Variants in EIF1B observed in about 807,000 individuals in gnomAD.
The protein encoded by EIF1B is eukaryotic translation initiation factor 1B.
Under a neutral mutation model 14.8 loss-of-function variants are expected in EIF1B, and 5 were observed. That is an observed-to-expected ratio of 0.34 (90% CI 0.18 to 0.71). EIF1B has a LOEUF of 0.71. Ranked by LOEUF, EIF1B falls within the 30% of genes least tolerant of loss-of-function variation. The probability of loss-of-function intolerance (pLI) is 0.64; values close to 1 mark genes in which losing one functional copy is unlikely to be tolerated. For missense variants in EIF1B, 56 were observed against 134.0 expected, an observed-to-expected ratio of 0.42 and a Z score of 2.87; for synonymous variants, 45 against 45.8, an observed-to-expected ratio of 0.98 and a Z score of 0.07.
At chr3:40,311,225 A>C in intron 2 of EIF1B, 169 bp downstream of exon 2, 1 of 671,872 alleles carries the variant, frequency 1.5e-6, no homozygotes, top group Non-Finnish European at 2.4e-6. Flanking sequence ...GTGGTCTCTC[A>C]TTTTAAAAGA....
rs541101708 is a variant in EIF1B, at chr3:40,309,714, C to A, written c.-228C>A. ...CCATCGGCCATTTTGTGCGAGAAGC[C>A]GCAGCGCCGCCTCTTCTCTCGCGCC... is the stretch of plus-strand genomic sequence containing the variant. On this transcript the variant is annotated 5_prime_UTR_variant, in exon 1 of 4. Coordinates refer to ENST00000232905, the MANE Select transcript of EIF1B (RefSeq NM_005875.3). 1.7e-6 allele frequency: 1 copy of A among 573,896 alleles called. No individual in the cohort carries two copies. The highest frequency in any genetic ancestry group is 3.1e-6 in the Non-Finnish European group (1 of 324,302). 35.6% of individuals were successfully genotyped at this position (573,896 alleles called of 1,614,324 possible). A position where few individuals can be genotyped will look rare whatever the true frequency, so the allele number is the denominator to read the frequency against.
intron 3 of EIF1B, 195 bp from the exon 4 acceptor site, chr3:40,311,775 C>T (rs1954329448): frequency 4.6e-6 from 3 of 647,910 alleles, no homozygotes; most frequent in South Asian, 3.8e-5. Flanking sequence ...TCTTTATATA[C>T]ACACACAGGC....
chr3:40,310,044 G>T (rs1433871565), intron 1 of EIF1B, 72 bp downstream of exon 1: 63 of 1,581,784 alleles, frequency 4.0e-5, no homozygotes, highest in Middle Eastern at 3.3e-4. Flanking sequence ...CCTGGCCACC[G>T]CCCCTAGGGG....
intron 2 of EIF1B, 175 bp downstream of exon 2, chr3:40,311,231 AAAG>A (rs765978250): frequency 5.7e-5 from 38 of 664,096 alleles, no homozygotes; most frequent in Middle Eastern, 4.3e-4. Flanking sequence ...TCTCATTTTA[AAAG>A]AAGATTCGCG....
chr3:40,310,504 G>C (rs1258661222), intron 1 of EIF1B: 2 of 188,276 alleles, frequency 1.1e-5, no homozygotes, highest in Non-Finnish European at 1.1e-5. Flanking sequence ...CACAGTTACG[G>C]TTAAATGATT....
chr3:40,311,261 T>G, intron 2 of EIF1B: 1 of 603,742 alleles, frequency 1.7e-6, no homozygotes. Context: ...TTAAATAAAT[T>G]TAAATGTGAA....
chr3:40,309,750 C>T lies in EIF1B; in HGVS notation c.-192C>T, dbSNP rs1422012988. On this transcript the variant is annotated 5_prime_UTR_variant, in exon 1 of 4. Coordinates refer to ENST00000232905, the MANE Select transcript of EIF1B (RefSeq NM_005875.3). ...CTCTTCTCTCGCGCCCTCGCCTCTT[C>T]CTCCGCCTCCTCCTTCGCCTCTTCC... The T allele has an allele frequency of 3.4e-5, 21 of 623,502 alleles. No homozygotes were observed. Among genetic ancestry groups the T allele is most frequent in the Non-Finnish European group, 5.6e-5 (20 of 359,180 alleles). The allele number at this position is 623,502 out of a possible 1,614,324, so 38.6% of individuals were successfully genotyped here. A position where few individuals can be genotyped will look rare whatever the true frequency, so the allele number is the denominator to read the frequency against.
chr3:40,309,937 A>AT lies in EIF1B; in HGVS notation c.-4dup. On this transcript the variant is annotated 5_prime_UTR_variant, in exon 1 of 4. Transcript: ENST00000232905. ...ATCCCCTCACCGGCCTCACACTAGT[A>AT]TCGCATGTCCACTATCCAGAACCTC... is the stretch of plus-strand genomic sequence containing the variant. 6.2e-7 allele frequency: 1 copy of AT among 1,614,024 alleles called. No individual in the cohort carries two copies. Among genetic ancestry groups the AT allele is most frequent in the Non-Finnish European group, 8.5e-7 (1 of 1,179,972 alleles).
chr3:40,310,122 C>A, intron 1 of EIF1B, 150 bp downstream of exon 1: 1 of 1,037,130 alleles, frequency 9.6e-7, no homozygotes, highest in Admixed American at 2.3e-5. Flanking sequence ...GGCGACGGGG[C>A]CCCTGGCGAC....
At chr3:40,310,861 T>A (rs199629126) in intron 1 of EIF1B, 32 bp from the exon 2 acceptor site, 1 of 1,522,680 alleles carries the variant, frequency 6.6e-7, no homozygotes, top group South Asian at 1.2e-5. Flanking sequence ...TTTTCTACTT[T>A]GGATTTTTTT....
intron 2 of EIF1B, 64 bp downstream of exon 2, chr3:40,311,120 C>T: frequency 1.4e-6 from 2 of 1,473,866 alleles, no homozygotes; most frequent in Non-Finnish European, 1.8e-6. Flanking sequence ...GATTATGATT[C>T]ACACCTTTAT....
At position 40,311,089 on chromosome 3, in the gene EIF1B, CT is replaced by C. The variant is rs780808042; in HGVS notation, c.195+34del. 1.9e-6 allele frequency: 3 copies of C among 1,599,702 alleles called. No homozygotes were observed. The East Asian group carries it at 6.7e-5, about 36-fold the overall frequency. On this transcript the variant is annotated intron_variant, in intron 2 of 3. Coordinates refer to ENST00000232905, the MANE Select transcript of EIF1B (RefSeq NM_005875.3). ...GATTAGGAAGAAAGGATTAGAGTTA[CT>C]GATGCACACCTCTGAACTGGATTAT...
In EIF1B at chr3:40,312,129, C is replaced by A; in HGVS notation, c.*115C>A. Reference sequence around the variant, plus strand: ...CGGACTTTTCATTTATTTAATCATTCAAACTTCCATTCACATCTGCATGAT... The same window carrying A: ...CGGACTTTTCATTTATTTAATCATTAAAACTTCCATTCACATCTGCATGAT... On this transcript the variant is annotated 3_prime_UTR_variant, in exon 4 of 4. Coordinates refer to ENST00000232905, the MANE Select transcript of EIF1B (RefSeq NM_005875.3). The A allele has an allele frequency of 1.3e-6, 1 of 774,328 alleles. No homozygotes were observed. Among genetic ancestry groups the A allele is most frequent in the South Asian group, 1.5e-5 (1 of 65,230 alleles). 48.0% of individuals were successfully genotyped at this position (774,328 alleles called of 1,614,324 possible). A position where few individuals can be genotyped will look rare whatever the true frequency, so the allele number is the denominator to read the frequency against.
Position 40,312,186 on chromosome 3 carries a change from C to T in EIF1B, c.*172C>T, listed in dbSNP as rs1954333497. On this transcript the variant is annotated 3_prime_UTR_variant, in exon 4 of 4. Coordinates refer to ENST00000232905, the MANE Select transcript of EIF1B (RefSeq NM_005875.3). ...AAACATGGGGTATGTAGACTAGTAA[C>T]ACATAAGAAAATTGCAGTAAGATGG... The T allele has an allele frequency of 1.7e-6, 1 of 577,282 alleles. No homozygotes were observed. Among genetic ancestry groups the T allele is most frequent in the East Asian group, 2.9e-5 (1 of 34,536 alleles). The allele number at this position is 577,282 out of a possible 1,614,324, so 35.8% of individuals were successfully genotyped here.
chr3:40,312,159 G>C lies in EIF1B; in HGVS notation c.*145G>C, dbSNP rs761540923. 2 of 652,090 alleles carry C rather than the reference G, an allele frequency of 3.1e-6. No individual in the cohort carries two copies. The highest frequency in any genetic ancestry group is 5.4e-6 in the Non-Finnish European group (2 of 367,410). The allele number at this position is 652,090 out of a possible 1,614,324, so 40.4% of individuals were successfully genotyped here. On this transcript the variant is annotated 3_prime_UTR_variant, in exon 4 of 4. Transcript: ENST00000232905. ...TTCCATTCACATCTGCATGATTACA[G>C]AAAACATGGGGTATGTAGACTAGTA... is the stretch of plus-strand genomic sequence containing the variant.
At chr3:40,311,408 C>A in intron 2 of EIF1B, 62 bp from the exon 3 acceptor site, 2 of 1,202,586 alleles carry the variant, frequency 1.7e-6, no homozygotes, top group Non-Finnish European at 2.5e-6. Flanking sequence ...TCTGTTCATA[C>A]GGTGAAATAA....
At chr3:40,310,526 ATTCGAATGTTTATGTT>A (rs1362624180) in intron 1 of EIF1B, 1 of 191,050 alleles carries the variant, frequency 5.2e-6, no homozygotes, top group African/African-American at 2.3e-5. Context: ...AGGTGGGCGT[ATTCGAATGTTTATGTT>A]TTCATCAGAA....
rs901510335 is a variant in EIF1B, at chr3:40,311,243, C to T, written c.195+187C>T. 2.1e-5 allele frequency: 13 copies of T among 619,936 alleles called. 1 individual carries two copies. The highest frequency in any genetic ancestry group is 9.2e-4 in the Middle Eastern group (2 of 2,168). 38.4% of individuals were successfully genotyped at this position (619,936 alleles called of 1,614,324 possible). A position where few individuals can be genotyped will look rare whatever the true frequency, so the allele number is the denominator to read the frequency against. On this transcript the variant is annotated intron_variant, in intron 2 of 3. Coordinates refer to ENST00000232905, the MANE Select transcript of EIF1B (RefSeq NM_005875.3). ...GTCTCTCATTTTAAAAGAAGATTCG[C>T]GTTGCTTTTAAATAAATTTAAATGT...
intron 1 of EIF1B, 59 bp from the exon 2 acceptor site, chr3:40,310,834 T>A: frequency 6.8e-7 from 1 of 1,475,786 alleles, no homozygotes; most frequent in Non-Finnish European, 9.0e-7. Flanking sequence ...TTCTGGAAAG[T>A]ACTTCTTAAA....
Sources: gnomAD v4.1 joint callset for allele counts on GRCh38, gnomAD v4.1.1 for gene constraint, MANE v1.5 for transcripts, NCBI Gene and HGNC (gene_info 2026-07-23, HGNC 2026-07-21) for gene names.